Variants in ANKRD17 observed in about 807,000 individuals in gnomAD.
ANKRD17 encodes the protein ankyrin repeat domain 17, also known as ankyrin repeat domain-containing protein 17.
ANKRD17 carries 19 observed loss-of-function variants against 229.7 expected under a neutral mutation model. That is an observed-to-expected ratio of 0.08 (90% confidence interval 0.06 to 0.12). The LOEUF (loss-of-function observed/expected upper bound fraction) is 0.12, where lower values mean the gene tolerates loss of function less well. Among genes scored for constraint, ANKRD17 ranks in the 10% least tolerant of loss-of-function variants. The pLI is 1.00. For synonymous variants in ANKRD17, 1,112 were observed against 1,146.1 expected (o/e 0.97, Z 0.60); for missense variants, 2,176 against 3,176.8 (o/e 0.68, Z 7.57).
chr4:73,160,802 C>T (rs182408205), intron 3 of ANKRD17, among the ~76,000 whole-genome samples: 33 of 152,250 alleles, frequency 2.2e-4, no homozygotes, highest in Admixed American at 1.2e-3. Context: ...CAGAACTACG[C>T]AAATGAACTG....
At chr4:73,155,979 T>G (rs759318233) in intron 4 of ANKRD17, 40 bp downstream of exon 4, 1 of 1,537,104 alleles carries the variant, frequency 6.5e-7, no homozygotes, top group African/African-American at 1.4e-5. Context: ...AGCCAGTTTT[T>G]AAAAAAACAA....
At position 73,091,917 on chromosome 4, in the gene ANKRD17, C is replaced by T. The variant is rs1463083294; in HGVS notation, c.5711G>A (p.Arg1904His). The part of the protein sequence containing the change: ...LLAAQTFQQI[R>H]PPRLPMTHFG... ...GTGGGTCATGGGCAACCTTGGTGGA[C>T]GGATCTGCTGGAAAGTCTGAGCAGC... Residue 1904 changes from arginine (R) to histidine (H), a missense_variant, in exon 29 of 34, where the codon CGT becomes CAT. Transcript: ENST00000358602. The T allele has an allele frequency of 5.6e-6, 9 of 1,614,114 alleles. No homozygotes were observed. Among genetic ancestry groups the T allele is most frequent in the Admixed American group, 3.3e-5 (2 of 60,010 alleles).
intron 31 of ANKRD17, 112 bp downstream of exon 31, chr4:73,078,530 C>T: frequency 3.1e-6 from 4 of 1,300,430 alleles, no homozygotes; most frequent in Non-Finnish European, 4.1e-6. Context: ...AAGTGAAACT[C>T]CATCTCAAAA....
intron 28 of ANKRD17, among the ~76,000 whole-genome samples, chr4:73,093,513 G>C (rs755779929): frequency 4.6e-5 from 7 of 151,522 alleles, no homozygotes; most frequent in Non-Finnish European, 1.0e-4. Context: ...GAGTAGCTGA[G>C]ATTACAAGCA....
chr4:73,104,829 G>T (rs932062288), intron 24 of ANKRD17, among the ~76,000 whole-genome samples: 5 of 152,024 alleles, frequency 3.3e-5, no homozygotes, highest in Non-Finnish European at 7.4e-5. Context: ...TTTCATTTAA[G>T]CCCATATGTC....
intron 16 of ANKRD17, among the ~76,000 whole-genome samples, chr4:73,132,907 A>G (rs985338928): frequency 1.3e-5 from 2 of 152,158 alleles, no homozygotes; most frequent in Non-Finnish European, 2.9e-5. Flanking sequence ...TTGCTAATGG[A>G]TCAATTCTTG....
At chr4:73,197,554 G>T (rs1021133010) in intron 1 of ANKRD17, among the ~76,000 whole-genome samples, 6 of 152,220 alleles carry the variant, frequency 3.9e-5, no homozygotes, top group Non-Finnish European at 8.8e-5. Context: ...TCAAGGCCAG[G>T]TGCCATGGCT....
chr4:73,075,574 AC>A lies in ANKRD17; in HGVS notation c.*656del, dbSNP rs1720943662. 1 of 152,624 alleles carries A rather than the reference AC, an allele frequency of 6.6e-6. No homozygotes were observed. The highest frequency in any genetic ancestry group is 1.5e-5 in the Non-Finnish European group (1 of 68,010). 9.5% of individuals were successfully genotyped at this position (152,624 alleles called of 1,614,324 possible). A position where few individuals can be genotyped will look rare whatever the true frequency, so the allele number is the denominator to read the frequency against. On this transcript the variant is annotated 3_prime_UTR_variant, in exon 34 of 34. Coordinates refer to ENST00000358602, the MANE Select transcript of ANKRD17 (RefSeq NM_032217.5). The stretch of plus-strand genomic sequence containing the variant: ...TTTCTTCTTCTATATGTGCCTTGCT[AC>A]AAATAAACCAAAAAGAAAGCAAGAT...
intron 1 of ANKRD17, among the ~76,000 whole-genome samples, chr4:73,211,685 A>G (rs1740285286): frequency 6.6e-6 from 1 of 151,960 alleles, no homozygotes; most frequent in Non-Finnish European, 1.5e-5. Context: ...CATCTCTACT[A>G]AAAATACAAA....
At chr4:73,177,044 C>A (rs1734826514) in intron 2 of ANKRD17, among the ~76,000 whole-genome samples, 1 of 152,180 alleles carries the variant, frequency 6.6e-6, no homozygotes, top group Admixed American at 6.5e-5. Context: ...CCACTTTATA[C>A]ATGCCTATGA....
At chr4:73,188,793 G>A (rs187721441) in intron 1 of ANKRD17, among the ~76,000 whole-genome samples, 5 of 152,242 alleles carry the variant, frequency 3.3e-5, no homozygotes, top group Admixed American at 2.6e-4. Flanking sequence ...CTTGGGTAAA[G>A]TCTAGAAAGA....
Position 73,206,732 on chromosome 4 carries a change from TAAG to T in ANKRD17, c.394-29202_394-29200del, listed in dbSNP as rs112059094. Among the ~76,000 whole-genome samples, 632 of 152,204 alleles carry T rather than the reference TAAG, an allele frequency of 4.2e-3. 3 individuals carry two copies. Among genetic ancestry groups the T allele is most frequent in the African/African-American group, 7.4e-3 (308 of 41,540 alleles). On this transcript the variant is annotated intron_variant, in intron 1 of 33. Transcript: ENST00000358602. ...TGGTCAAAGGACAGAAATTTTCAGTTAAGAAGAAGAAGAAGTTCAAGAGATCTA... is the reference window on the plus strand; with the variant it reads ...TGGTCAAAGGACAGAAATTTTCAGTTAAGAAGAAGAAGTTCAAGAGATCTA...
chr4:73,238,395 C>T (rs1261474828), intron 1 of ANKRD17, among the ~76,000 whole-genome samples: 1 of 152,156 alleles, frequency 6.6e-6, no homozygotes, highest in Non-Finnish European at 1.5e-5. Context: ...AGGTAATCTA[C>T]AAGGTATGTA....
chr4:73,223,608 C>T lies in ANKRD17; in HGVS notation c.393+34668G>A, dbSNP rs111562819. Among the ~76,000 whole-genome samples, 369 of 152,160 alleles carry T rather than the reference C, an allele frequency of 2.4e-3. 2 individuals carry two copies. The highest frequency in any genetic ancestry group is 0.016 in the South Asian group (77 of 4,828). ...AAATTGGTTTTTATAAACTAATCTG[C>T]TTGTAAATACTTATGAGAACCAGGT... is the stretch of plus-strand genomic sequence containing the variant. On this transcript the variant is annotated intron_variant, in intron 1 of 33. Coordinates refer to ENST00000358602, the MANE Select transcript of ANKRD17 (RefSeq NM_032217.5).
chr4:73,246,256 G>A (rs1744489407), intron 1 of ANKRD17, among the ~76,000 whole-genome samples: 1 of 152,194 alleles, frequency 6.6e-6, no homozygotes, highest in South Asian at 2.1e-4. Flanking sequence ...AATGACTGCT[G>A]TGTACTTCCT....
At chr4:73,164,987 TTGAA>T (rs947635905) in intron 2 of ANKRD17, among the ~76,000 whole-genome samples, 1 of 151,768 alleles carries the variant, frequency 6.6e-6, no homozygotes, top group Admixed American at 6.6e-5. Flanking sequence ...TTTAAGATAA[TTGAA>T]TGCGTAATTA....
rs763579327 is a variant in ANKRD17, at chr4:73,091,200, C to G, written c.6428G>C (p.Ser2143Thr). 6 of 1,614,036 alleles carry G rather than the reference C, an allele frequency of 3.7e-6. No homozygotes were observed. The highest frequency in any genetic ancestry group is 5.1e-6 in the Non-Finnish European group (6 of 1,180,032). ...AGAAGGCACCGCCACTGGAGCAGAA[C>G]TTGTTGCTAAAGGAGGAACAGTCAT... ...VRMTVPPLATSSAPVAVPSTA... is the reference protein window; with the variant it reads ...VRMTVPPLATTSAPVAVPSTA... The change falls in exon 29 of 34, where the codon AGT becomes ACT. Residue 2143 changes from serine (S) to threonine (T), a missense_variant. This residue lies in a region of ANKRD17 where 424 missense variants were observed against 454.0 expected (regional missense o/e 0.93). Transcript: ENST00000358602.
intron 25 of ANKRD17, among the ~76,000 whole-genome samples, chr4:73,101,453 T>A (rs1308352568): frequency 6.6e-6 from 1 of 151,942 alleles, no homozygotes; most frequent in Non-Finnish European, 1.5e-5. Flanking sequence ...TCACTTGAGA[T>A]CAGGAGTTAG....
intron 30 of ANKRD17, among the ~76,000 whole-genome samples, chr4:73,083,899 C>T (rs1484968324): frequency 1.4e-4 from 21 of 146,048 alleles, no homozygotes; most frequent in African/African-American, 5.3e-4. Flanking sequence ...TTATTTATTC[C>T]AGTATTGCTA....
Sources: gnomAD v4.1 joint callset for allele counts (sites outside exome capture counted in the v4.1 genomes callset) on GRCh38, gnomAD v4.1.1 for gene constraint, gnomAD v4.1.1 regional missense constraint, MANE v1.5 for transcripts, NCBI Gene and HGNC (gene_info 2026-07-23, HGNC 2026-07-21) for gene names.